RBMS1: variants seen among roughly 807,000 people sequenced by gnomAD.
RBMS1 encodes RNA binding motif single stranded interacting protein 1, also known as RNA-binding motif, single-stranded-interacting protein 1.
RBMS1 carries 17 observed loss-of-function variants against 62.3 expected under a neutral mutation model. The observed-to-expected ratio is 0.27, with a 90% CI of 0.19 to 0.41. The LOEUF is 0.41. Ranked by LOEUF, RBMS1 falls within the 10% of genes least tolerant of loss-of-function variation. The probability of loss-of-function intolerance (pLI) is 1.00; values close to 1 mark genes in which losing one functional copy is unlikely to be tolerated. For synonymous variants in RBMS1, 172 were observed against 170.0 expected (o/e 1.01, Z -0.09); for missense variants, 334 against 504.5 (o/e 0.66, Z 3.24).
rs192748504 is a variant in RBMS1, at chr2:160,445,116, A to G, written c.75+48173T>C. Among the ~76,000 whole-genome samples, 400 of 152,344 alleles carry G rather than the reference A, an allele frequency of 2.6e-3. 1 individual carries two copies. The highest frequency in any genetic ancestry group is 0.014 in the Middle Eastern group (4 of 294). On this transcript the variant is annotated intron_variant, in intron 1 of 13. Transcript: ENST00000348849. ...TTTACTCCACCTATAATTTCTTCTC[A>G]TACTAGTACACTTGCCCCCTTTTAC...
intron 1 of RBMS1, among the ~76,000 whole-genome samples, chr2:160,383,623 C>G (rs930904903): frequency 2.6e-5 from 4 of 152,030 alleles, no homozygotes; most frequent in African/African-American, 9.7e-5. Context: ...CATCTCAAAC[C>G]TCTATCATTT....
intron 2 of RBMS1, among the ~76,000 whole-genome samples, chr2:160,331,508 TG>T (rs1430978770): frequency 1.8e-4 from 28 of 152,208 alleles, no homozygotes; most frequent in Admixed American, 1.8e-3. Flanking sequence ...TGTGTGCCCT[TG>T]GACTGTGTGT....
intron 1 of RBMS1, among the ~76,000 whole-genome samples, chr2:160,404,125 T>C (rs1695573371): frequency 6.6e-6 from 1 of 152,198 alleles, no homozygotes; most frequent in Non-Finnish European, 1.5e-5. Context: ...AACGTACACA[T>C]TTGTCCACTG....
At chr2:160,446,357 T>C (rs1459334478) in intron 1 of RBMS1, among the ~76,000 whole-genome samples, 3 of 152,146 alleles carry the variant, frequency 2.0e-5, no homozygotes, top group Non-Finnish European at 2.9e-5. Flanking sequence ...CAGGCAATTA[T>C]GACAAAGCTC....
chr2:160,403,603 T>A (rs1695544101), intron 1 of RBMS1, among the ~76,000 whole-genome samples: 1 of 152,210 alleles, frequency 6.6e-6, no homozygotes, highest in African/African-American at 2.4e-5. Flanking sequence ...ACTTCCCTCA[T>A]CAAAAGTTAG....
At chr2:160,278,742 CTTAG>C (rs769134619) in intron 10 of RBMS1, 84 bp from the exon 11 acceptor site, 9 of 823,572 alleles carry the variant, frequency 1.1e-5, no homozygotes, top group Non-Finnish European at 1.7e-5. Context: ...AAGGAAATAC[CTTAG>C]TTTGTTTAAG....
At chr2:160,367,557 TCTCCTTCAACATAAAATTGATAATAGGG>T in intron 1 of RBMS1, 166 bp from the exon 2 acceptor site, 1 of 1,257,988 alleles carries the variant, frequency 7.9e-7, no homozygotes, top group Non-Finnish European at 1.0e-6. Flanking sequence ...AAAAAAGCCC[TCTCCTTCAACATAAAATTGATAATAGGG>T]TTTACTAAGT....
At chr2:160,352,435 T>C (rs1274977128) in intron 2 of RBMS1, among the ~76,000 whole-genome samples, 1 of 152,170 alleles carries the variant, frequency 6.6e-6, no homozygotes, top group Non-Finnish European at 1.5e-5. Flanking sequence ...CAATTTTCCA[T>C]ATGAATATTT....
At chr2:160,324,907 T>TATATACACAC (rs1321182985) in intron 2 of RBMS1, among the ~76,000 whole-genome samples, 21 of 106,812 alleles carry the variant, frequency 2.0e-4, no homozygotes, top group African/African-American at 5.4e-4. Flanking sequence ...TATATATATA[T>TATATACACAC]ACACACACAC....
At chr2:160,400,316 T>C (rs1210902007) in intron 1 of RBMS1, among the ~76,000 whole-genome samples, 1 of 148,638 alleles carries the variant, frequency 6.7e-6, no homozygotes, top group African/African-American at 2.5e-5. Context: ...TTAAATTAAA[T>C]TAAATTTAAA....
chr2:160,319,081 A>G (rs1690395930), intron 2 of RBMS1, among the ~76,000 whole-genome samples: 1 of 152,232 alleles, frequency 6.6e-6, no homozygotes, highest in East Asian at 1.9e-4. Flanking sequence ...AAGCGACAGT[A>G]TAATGTAAAT....
At position 160,285,242 on chromosome 2, in the gene RBMS1, G is replaced by A. The variant is rs376910054; in HGVS notation, c.757-198C>T. Among the ~76,000 whole-genome samples the A allele has an allele frequency of 5.3e-5, 8 of 151,992 alleles. No homozygotes were observed. In the South Asian group the frequency reaches 1.7e-3, roughly 32 times the overall value. Reference sequence around the variant, plus strand: ...TCACTGCACTCCAGCCTGGGCAACAGAAGGAGACCCCTGTCTCTTAAAAAA... The same window carrying A: ...TCACTGCACTCCAGCCTGGGCAACAAAAGGAGACCCCTGTCTCTTAAAAAA... On this transcript the variant is annotated intron_variant, in intron 7 of 13. Coordinates refer to ENST00000348849, the MANE Select transcript of RBMS1 (RefSeq NM_016836.4).
chr2:160,319,750 C>T (rs1029332121), intron 2 of RBMS1, among the ~76,000 whole-genome samples: 4 of 152,098 alleles, frequency 2.6e-5, no homozygotes, highest in African/African-American at 9.7e-5. Flanking sequence ...GTGAATATTA[C>T]ACACTTGTAT....
intron 4 of RBMS1, among the ~76,000 whole-genome samples, chr2:160,308,894 A>T (rs889709582): frequency 3.9e-5 from 6 of 152,218 alleles, no homozygotes; most frequent in African/African-American, 1.4e-4. Context: ...GCTTCTTCAA[A>T]ACAGTGTATA....
At chr2:160,362,117 T>C (rs1439823028) in intron 2 of RBMS1, among the ~76,000 whole-genome samples, 1 of 152,200 alleles carries the variant, frequency 6.6e-6, no homozygotes, top group African/African-American at 2.4e-5. Flanking sequence ...CTTCACAGAG[T>C]TAAAGAATTA....
intron 9 of RBMS1, chr2:160,282,290 G>A (rs1351530731): frequency 7.3e-7 from 1 of 1,367,764 alleles, no homozygotes; most frequent in Non-Finnish European, 9.8e-7. Context: ...TGTTTTCTCT[G>A]GTTTCCTTTG....
chr2:160,401,590 CA>C (rs555898874), intron 1 of RBMS1, among the ~76,000 whole-genome samples: 8 of 151,460 alleles, frequency 5.3e-5, no homozygotes, highest in Non-Finnish European at 2.9e-5. Context: ...TGTCCAAGGA[CA>C]AAAAAAATGT....
chr2:160,321,238 A>G (rs1009359399), intron 2 of RBMS1, among the ~76,000 whole-genome samples: 4 of 152,190 alleles, frequency 2.6e-5, no homozygotes, highest in African/African-American at 2.4e-5. Context: ...TACATCTGGC[A>G]TGAGTCCGCT....
intron 1 of RBMS1, among the ~76,000 whole-genome samples, chr2:160,449,182 C>T (rs1354665758): frequency 3.3e-5 from 5 of 150,764 alleles, no homozygotes; most frequent in African/African-American, 9.8e-5. Flanking sequence ...GCCGGGCAGC[C>T]GCACCGTCCA....
Sources: gnomAD v4.1 joint callset for allele counts (sites outside exome capture counted in the v4.1 genomes callset) on GRCh38, gnomAD v4.1.1 for gene constraint, MANE v1.5 for transcripts, NCBI Gene and HGNC (gene_info 2026-07-23, HGNC 2026-07-21) for gene names.